Variants in BPIFB6 observed in about 807,000 individuals in gnomAD.
BPIFB6 encodes the protein BPI fold containing family B member 6.
In BPIFB6, 47 loss-of-function variants were observed where a neutral mutation model predicts 54.7. The observed-to-expected ratio is 0.86, with a 90% CI of 0.68 to 1.10. The LOEUF (loss-of-function observed/expected upper bound fraction) is 1.10. BPIFB6 is among the 50% of genes least tolerant of loss of function. The probability of loss-of-function intolerance (pLI) is 0.00; values close to 1 mark genes in which losing one functional copy is unlikely to be tolerated. For synonymous variants in BPIFB6, 255 were observed against 225.9 expected, an observed-to-expected ratio of 1.13 and a Z score of -1.16; for missense variants, 603 against 564.1, an observed-to-expected ratio of 1.07 and a Z score of -0.70.
At chr20:33,035,246 A>G (rs1452511699) in intron 5 of BPIFB6, 102 bp downstream of exon 5, 10 of 1,232,432 alleles carry the variant, frequency 8.1e-6, no homozygotes, top group African/African-American at 5.9e-5. Context: ...ATTGACTGAT[A>G]GTGGCTGGGA....
rs774741947 is a variant in BPIFB6 at position 33,035,627 on chromosome 20, G to T, written c.532G>T (p.Asp178Tyr). 7.0e-5 allele frequency: 113 copies of T among 1,614,046 alleles called. No homozygotes were observed. Among genetic ancestry groups the T allele is most frequent in the Non-Finnish European group, 9.3e-5 (110 of 1,180,032 alleles). The change falls in exon 6 of 15, where the codon GAT becomes TAT. Residue 178 changes from aspartate to tyrosine, a missense_variant. By Grantham distance (160) the Asp-to-Tyr change is radical. Transcript: ENST00000349552. ...CTGCTTCCAGATGTGTCCCGCCATC[G>T]ATGCAGTCCTGGTGTATGTGAACAG... ...VLPGLMCPAI[D>Y]AVLVYVNRKW...
At chr20:33,035,774 C>A in intron 6 of BPIFB6, 102 bp downstream of exon 6, 1 of 1,261,226 alleles carries the variant, frequency 7.9e-7, no homozygotes, top group Non-Finnish European at 1.2e-6. Context: ...CCAGCCCAGC[C>A]TTGGGACTAG....
intron 7 of BPIFB6, among the ~76,000 whole-genome samples, chr20:33,036,741 G>C (rs1979359257): frequency 6.6e-6 from 1 of 152,186 alleles, no homozygotes. Flanking sequence ...CAGTGCCCCA[G>C]CTGGCTTCTG....
chr20:33,034,586 G>C (rs1392431593), intron 3 of BPIFB6, among the ~76,000 whole-genome samples, 177 bp from the exon 4 acceptor site: 1 of 152,158 alleles, frequency 6.6e-6, no homozygotes, highest in Non-Finnish European at 1.5e-5. Context: ...AAACAAGGAG[G>C]GAGGGAGAAA....
intron 7 of BPIFB6, among the ~76,000 whole-genome samples, chr20:33,037,121 G>A (rs1979376436): frequency 6.6e-6 from 1 of 152,164 alleles, no homozygotes; most frequent in South Asian, 2.1e-4. Flanking sequence ...CAGAGCTCCA[G>A]GCGAAGAGGT....
At chr20:33,037,124 G>A (rs1451924038) in intron 7 of BPIFB6, among the ~76,000 whole-genome samples, 1 of 152,176 alleles carries the variant, frequency 6.6e-6, no homozygotes, top group Non-Finnish European at 1.5e-5. Context: ...AGCTCCAGGC[G>A]AAGAGGTGAG....
intron 3 of BPIFB6, 53 bp from the exon 4 acceptor site, chr20:33,034,710 G>A: frequency 8.4e-6 from 13 of 1,544,274 alleles, no homozygotes; most frequent in South Asian, 1.2e-5. Context: ...AAGGCAGGGA[G>A]AGCGGACACC....
intron 12 of BPIFB6, 107 bp from the exon 13 acceptor site, chr20:33,042,708 A>C (rs1170346078): frequency 3.9e-6 from 4 of 1,028,924 alleles, no homozygotes; most frequent in Admixed American, 2.1e-5. Flanking sequence ...TTTGATGTCT[A>C]ATATTCACTT....
intron 5 of BPIFB6, 65 bp downstream of exon 5, chr20:33,035,209 T>C: frequency 6.6e-7 from 1 of 1,512,486 alleles, no homozygotes; most frequent in Non-Finnish European, 9.1e-7. Flanking sequence ...GGCTGGCAAA[T>C]GCATTTCATG....
At chr20:33,043,404 C>CATG (rs774294322) in intron 14 of BPIFB6, 37 bp downstream of exon 14, 1 of 1,573,598 alleles carries the variant, frequency 6.4e-7, no homozygotes, top group African/African-American at 1.3e-5. Context: ...TGTCAATCAA[C>CATG]ACTGTCAGCC....
rs574556809 is a variant in BPIFB6, at chr20:33,042,978, A to G, written c.1252+100A>G. On this transcript the variant is annotated intron_variant, in intron 13 of 14. Transcript: ENST00000349552. Reference sequence around the variant, plus strand: ...CTCAAAGCCCTATCACTGGGCCCAGATGGGGGAAGCTAAAAGGGAGTGGAA... The same window carrying G: ...CTCAAAGCCCTATCACTGGGCCCAGGTGGGGGAAGCTAAAAGGGAGTGGAA... 28 of 1,075,286 alleles carry G rather than the reference A, an allele frequency of 2.6e-5. No individual in the cohort carries two copies. In the South Asian group the frequency reaches 3.9e-4, roughly 15 times the overall value. 66.6% of individuals were successfully genotyped at this position (1,075,286 alleles called of 1,614,324 possible).
At chr20:33,034,998 T>G in intron 4 of BPIFB6, 83 bp from the exon 5 acceptor site, 6 of 1,608,792 alleles carry the variant, frequency 3.7e-6, no homozygotes, top group Non-Finnish European at 5.1e-6. Context: ...GGAACCCCCT[T>G]AACCATGCCC....
chr20:33,036,015 T>G lies in BPIFB6; in HGVS notation c.577+343T>G, dbSNP rs941400135. On this transcript the variant is annotated intron_variant, in intron 6 of 14. Transcript: ENST00000349552. The stretch of plus-strand genomic sequence containing the variant: ...GCCTTTGCTGAGGGGATATACTGCC[T>G]CCATCATTTTGGGGTCCCATTTTGG... 2.0e-5 allele frequency among the ~76,000 whole-genome samples: 3 copies of G among 152,116 alleles called. No individual in the cohort carries two copies. The South Asian group carries it at 6.2e-4, about 32-fold the overall frequency.
rs778835815 is a variant in BPIFB6 at position 33,039,404 on chromosome 20, C to T, written c.958C>T (p.Pro320Ser). 1.2e-6 allele frequency: 2 copies of T among 1,614,140 alleles called. No homozygotes were observed. The highest frequency in any genetic ancestry group is 8.5e-7 in the Non-Finnish European group (1 of 1,180,014). ...PLTTQIKIKK[P>S]PKVTMKTGKS... is the part of the protein sequence containing the mutation. ...GACGACCCAGATCAAGATAAAGAAG[C>T]CTCCCAAGGTCACTATGAAGACAGG... is the stretch of plus-strand genomic sequence containing the variant. Residue 320 changes from proline to serine, a missense_variant, in exon 10 of 15, where the codon CCT (proline) becomes TCT (serine). Pro to Ser is a moderately conservative substitution (Grantham distance 74). Coordinates refer to ENST00000349552, the MANE Select transcript of BPIFB6 (RefSeq NM_174897.2).
At chr20:33,038,392 C>T (rs1161371658) in intron 8 of BPIFB6, among the ~76,000 whole-genome samples, 1 of 152,094 alleles carries the variant, frequency 6.6e-6, no homozygotes, top group Non-Finnish European at 1.5e-5. Flanking sequence ...TCTATTTTCC[C>T]ATCCATTTAT....
chr20:33,034,350 A>G (rs1305310703), intron 3 of BPIFB6, 60 bp downstream of exon 3: 4 of 1,129,714 alleles, frequency 3.5e-6, no homozygotes, highest in Non-Finnish European at 5.4e-6. Context: ...TCATCCTTAC[A>G]TGCACATATA....
Position 33,042,848 on chromosome 20 carries a change from C to T in BPIFB6, c.1222C>T (p.Leu408Phe). Residue 408 changes from leucine (L) to phenylalanine (F), a missense_variant, in exon 13 of 15, where the codon CTC (leucine) becomes TTC (phenylalanine). Leu to Phe is a conservative substitution (Grantham distance 22). Transcript: ENST00000349552. ...RELTGFITSY[L>F]EEAYIPVVND... ...ATTAACTGGCTTCATCACCAGCTAT[C>T]TCGAAGAAGCCTACATCCCAGTTGT... is the stretch of plus-strand genomic sequence containing the variant. 2 of 1,614,214 alleles carry T rather than the reference C, an allele frequency of 1.2e-6. No homozygotes were observed. Among genetic ancestry groups the T allele is most frequent in the Non-Finnish European group, 1.7e-6 (2 of 1,180,022 alleles).
intron 14 of BPIFB6, among the ~76,000 whole-genome samples, 198 bp from the exon 15 acceptor site, chr20:33,043,817 T>C (rs1226203698): frequency 1.3e-5 from 2 of 152,154 alleles, no homozygotes; most frequent in Non-Finnish European, 2.9e-5. Flanking sequence ...TGGGGGTGCT[T>C]GTCCTCACTT....
chr20:33,034,703 G>T (rs555037760), intron 3 of BPIFB6, 60 bp from the exon 4 acceptor site: 1 of 1,530,984 alleles, frequency 6.5e-7, no homozygotes, highest in African/African-American at 1.4e-5. Flanking sequence ...CAAAGAGAAG[G>T]CAGGGAGAGC....
Sources: allele counts gnomAD v4.1 joint callset (sites outside exome capture counted in the v4.1 genomes callset), GRCh38; gene constraint gnomAD v4.1.1; transcripts MANE v1.5; gene names NCBI Gene and HGNC (gene_info 2026-07-23, HGNC 2026-07-21).